The following CCDC7 variants were observed in gnomAD, a reference collection of about 807,000 sequenced individuals.
CCDC7 encodes the protein coiled-coil domain containing 7.
CCDC7 carries 183 observed loss-of-function variants against 196.9 expected under a neutral mutation model. The ratio of observed to expected loss-of-function variants is 0.93; its 90% CI spans 0.82 to 1.05. The LOEUF (loss-of-function observed/expected upper bound fraction) is 1.05. Among genes scored for constraint, CCDC7 ranks in the 50% least tolerant of loss-of-function variants. The probability of loss-of-function intolerance (pLI) is 0.00; values close to 1 mark genes in which losing one functional copy is unlikely to be tolerated. For missense variants in CCDC7, 1,540 were observed against 1,482.2 expected, an observed-to-expected ratio of 1.04 and a Z score of -0.64; for synonymous variants, 525 against 484.6, an observed-to-expected ratio of 1.08 and a Z score of -1.10.
chr10:32,870,260 C>T (rs1036988776), intron 41 of CCDC7, among the ~76,000 whole-genome samples: 60 of 152,002 alleles, frequency 3.9e-4, no homozygotes, highest in African/African-American at 1.4e-3. Flanking sequence ...TGTTTGTGTC[C>T]TCTTTTATTT....
chr10:32,481,145 T>C (rs2039895171), intron 8 of CCDC7, among the ~76,000 whole-genome samples: 2 of 152,214 alleles, frequency 1.3e-5, no homozygotes, highest in Admixed American at 6.5e-5. Flanking sequence ...TGTCCAAGTA[T>C]AGCCACAGCT....
chr10:32,570,537 C>T (rs939557863), intron 15 of CCDC7, among the ~76,000 whole-genome samples: 2 of 152,172 alleles, frequency 1.3e-5, no homozygotes, highest in African/African-American at 4.8e-5. Flanking sequence ...AGTTCAAGGT[C>T]AGTCTTCGTG....
chr10:32,813,240 C>A (rs2087579429), intron 30 of CCDC7, among the ~76,000 whole-genome samples: 1 of 152,168 alleles, frequency 6.6e-6, no homozygotes, highest in African/African-American at 2.4e-5. Flanking sequence ...GTCACCAATC[C>A]TCATTATCCC....
chr10:32,742,126 T>C (rs1052507577), intron 28 of CCDC7, among the ~76,000 whole-genome samples: 4 of 152,190 alleles, frequency 2.6e-5, no homozygotes, highest in African/African-American at 9.7e-5. Context: ...GATGCATTTA[T>C]ATTTACTGTA....
At chr10:32,624,006 A>G (rs1016466566) in intron 18 of CCDC7, among the ~76,000 whole-genome samples, 4 of 152,166 alleles carry the variant, frequency 2.6e-5, no homozygotes, top group Non-Finnish European at 5.9e-5. Flanking sequence ...GCATTTCAAC[A>G]TGAGATGTGG....
chr10:32,722,042 T>C (rs372899384), intron 25 of CCDC7, among the ~76,000 whole-genome samples: 1 of 152,126 alleles, frequency 6.6e-6, no homozygotes, highest in Admixed American at 6.6e-5. Flanking sequence ...CATGGGGTTA[T>C]TGGATGGAAA....
At chr10:32,778,060 G>T (rs1284802255) in intron 28 of CCDC7, among the ~76,000 whole-genome samples, 5 of 152,046 alleles carry the variant, frequency 3.3e-5, no homozygotes, top group Admixed American at 2.0e-4. Flanking sequence ...TTGCTTGTTG[G>T]TTTAAGTTCC....
intron 18 of CCDC7, among the ~76,000 whole-genome samples, chr10:32,621,688 C>T (rs1444605673): frequency 2.0e-5 from 3 of 152,076 alleles, no homozygotes; most frequent in African/African-American, 4.8e-5. Flanking sequence ...TGGTTTAAGT[C>T]CTGGAATCTG....
At chr10:32,630,047 G>C (rs529132100) in intron 18 of CCDC7, among the ~76,000 whole-genome samples, 53 of 152,276 alleles carry the variant, frequency 3.5e-4, no homozygotes, top group African/African-American at 1.1e-3. Flanking sequence ...ATATTGGCTT[G>C]TTAGAAGCCA....
At chr10:32,491,296 G>A (rs7079040) in intron 8 of CCDC7, among the ~76,000 whole-genome samples, 4 of 152,106 alleles carry the variant, frequency 2.6e-5, no homozygotes, top group Non-Finnish European at 5.9e-5. Context: ...AGAAAACTTA[G>A]TGCAGGGACT....
At chr10:32,765,027 A>G (rs2078048446) in intron 28 of CCDC7, among the ~76,000 whole-genome samples, 1 of 152,040 alleles carries the variant, frequency 6.6e-6, no homozygotes, top group Non-Finnish European at 1.5e-5. Flanking sequence ...TATAAGCAGA[A>G]GAGTTCTAGA....
chr10:32,753,920 A>AT (rs924980705), intron 28 of CCDC7, among the ~76,000 whole-genome samples: 7 of 152,006 alleles, frequency 4.6e-5, no homozygotes, highest in East Asian at 1.9e-4. Context: ...TCTGTTCCTG[A>AT]TTTTTTTTAA....
rs1398589300 is a variant in CCDC7 at position 32,592,708 on chromosome 10, C to A, written c.1801+8404C>A. ...ATGCTATCCCTCCCTGCTCCCCACA[C>A]CCCCCGACAAGCCCCAGTGTGTGAT... On this transcript the variant is annotated intron_variant, in intron 18 of 41. Coordinates refer to ENST00000639629, the Ensembl canonical transcript of CCDC7. Among the ~76,000 whole-genome samples, 2 of 152,096 alleles carry A rather than the reference C, an allele frequency of 1.3e-5. 1 individual carries two copies. The highest frequency in any genetic ancestry group is 4.8e-5 in the African/African-American group (2 of 41,406).
At chr10:32,667,608 C>G in intron 21 of CCDC7, among the ~76,000 whole-genome samples, 1 of 152,100 alleles carries the variant, frequency 6.6e-6, no homozygotes. Context: ...TTTCCCAGCA[C>G]CATTTATTAA....
At chr10:32,456,306 TAGA>T (rs2034325978) in exon 3 of CCDC7, 1 of 1,573,334 alleles carries the variant, frequency 6.4e-7, no homozygotes, top group Non-Finnish European at 8.7e-7. Flanking sequence ...GCAGCTCAGC[TAGA>T]AGAAGCACTT....
At chr10:32,527,155 G>A (rs2048803886) in intron 11 of CCDC7, among the ~76,000 whole-genome samples, 1 of 152,128 alleles carries the variant, frequency 6.6e-6, no homozygotes, top group Admixed American at 6.5e-5. Context: ...GGTGCTGGCT[G>A]AGCCCAGCAT....
intron 8 of CCDC7, among the ~76,000 whole-genome samples, chr10:32,487,614 T>A (rs2041388168): frequency 6.6e-6 from 1 of 152,174 alleles, no homozygotes; most frequent in Admixed American, 6.5e-5. Context: ...ATCTTTGTGG[T>A]TTTATCTACC....
At chr10:32,532,029 A>G (rs2135903026) in intron 11 of CCDC7, among the ~76,000 whole-genome samples, 1 of 152,086 alleles carries the variant, frequency 6.6e-6, no homozygotes, top group African/African-American at 2.4e-5. Context: ...CTTAGTCTCA[A>G]TATCATGTAT....
intron 11 of CCDC7, among the ~76,000 whole-genome samples, chr10:32,518,789 A>G (rs568991317): frequency 7.9e-5 from 12 of 152,088 alleles, no homozygotes; most frequent in Non-Finnish European, 1.6e-4. Context: ...GTTTTCAAAT[A>G]TATTGTAAAT....
Sources: gnomAD v4.1 joint callset for allele counts (sites outside exome capture counted in the v4.1 genomes callset) on GRCh38, gnomAD v4.1.1 for gene constraint, MANE v1.5 for transcripts, NCBI Gene and HGNC (gene_info 2026-07-23, HGNC 2026-07-21) for gene names.